The following GPR149 variants were observed in gnomAD, a reference collection of about 807,000 sequenced individuals.
The protein encoded by GPR149 is G protein-coupled receptor 149, also known as probable G protein-coupled receptor 149.
A neutral mutation model predicts 50.2 loss-of-function variants in GPR149; 50 were observed. The observed-to-expected ratio is 1.00, with a 90% CI of 0.79 to 1.26. The LOEUF (loss-of-function observed/expected upper bound fraction) is 1.26. Among genes scored for constraint, GPR149 ranks in the 50% most tolerant of loss-of-function variants. The probability of loss-of-function intolerance (pLI) is 0.00; values close to 1 mark genes in which losing one functional copy is unlikely to be tolerated. For synonymous variants in GPR149, 405 were observed against 358.2 expected (o/e 1.13, Z -1.48); for missense variants, 983 against 895.4 (o/e 1.10, Z -1.25).
intron 3 of GPR149, among the ~76,000 whole-genome samples, chr3:154,387,244 T>G (rs529062823): frequency 2.0e-5 from 3 of 152,324 alleles, no homozygotes; most frequent in East Asian, 3.9e-4. Flanking sequence ...ATGACTTCAC[T>G]TCTCTTTTTG....
rs1002915146 is a variant in GPR149 at position 154,353,521 on chromosome 3, C to T, written c.1624-15250G>A. 7.6e-6 allele frequency: 7 copies of T among 915,934 alleles called. No individual in the cohort carries two copies. The African/African-American group carries it at 8.2e-5, about 11-fold the overall frequency. 56.7% of individuals were successfully genotyped at this position (915,934 alleles called of 1,614,324 possible). A position where few individuals can be genotyped will look rare whatever the true frequency, so the allele number is the denominator to read the frequency against. Reference sequence around the variant, plus strand: ...TCCAATCAGCCACTCTGCAGATGATCTTTGATATGACCAGGGGTTCCAACC... The same window carrying T: ...TCCAATCAGCCACTCTGCAGATGATTTTTGATATGACCAGGGGTTCCAACC... On this transcript the variant is annotated intron_variant, in intron 3 of 3. Coordinates refer to ENST00000389740, the MANE Select transcript of GPR149 (RefSeq NM_001038705.3).
chr3:154,387,189 C>T (rs1263999828), intron 3 of GPR149, among the ~76,000 whole-genome samples: 1 of 152,190 alleles, frequency 6.6e-6, no homozygotes, highest in East Asian at 1.9e-4. Flanking sequence ...ACCTTTTCTG[C>T]AGGGTGAACT....
At chr3:154,404,840 T>G (rs1711638702) in intron 3 of GPR149, among the ~76,000 whole-genome samples, 1 of 146,642 alleles carries the variant, frequency 6.8e-6, no homozygotes, top group African/African-American at 2.5e-5. Context: ...ATAGCAAGTA[T>G]TCAATAAATA....
In GPR149 at chr3:154,337,922, T is replaced by G. The variant is rs1257259293; in HGVS notation, c.1973A>C (p.Glu658Ala). 3 of 1,612,964 alleles carry G rather than the reference T, an allele frequency of 1.9e-6. No homozygotes were observed. In the Admixed American group the frequency reaches 5.0e-5, roughly 27 times the overall value. The change falls in exon 4 of 4, where the codon GAA becomes GCA. Residue 658 changes from glutamate to alanine, a missense_variant. Transcript: ENST00000389740. ...RSPSLRYSRK[E>A]NRFVSCDLGE... ...TAGGTCACATGAAACAAATCTGTTTTCTTTCCTGGAGTAACGTAGGGATGG... is the reference window on the plus strand; with the variant it reads ...TAGGTCACATGAAACAAATCTGTTTGCTTTCCTGGAGTAACGTAGGGATGG...
chr3:154,423,680 A>C (rs946990713), intron 2 of GPR149, among the ~76,000 whole-genome samples: 1 of 151,864 alleles, frequency 6.6e-6, no homozygotes, highest in African/African-American at 2.4e-5. Context: ...AATTAAAACA[A>C]CATAGTTAAT....
chr3:154,354,714 C>G (rs556643624), intron 3 of GPR149: 1 of 593,856 alleles, frequency 1.7e-6, no homozygotes, highest in African/African-American at 2.0e-5. Flanking sequence ...CAATAAATAC[C>G]TTTTGCCTGT....
chr3:154,354,473 T>A (rs149411876), intron 3 of GPR149, among the ~76,000 whole-genome samples: 3 of 152,318 alleles, frequency 2.0e-5, no homozygotes, highest in Non-Finnish European at 2.9e-5. Context: ...AGCTGATTTC[T>A]TTTTTGCAGG....
chr3:154,355,891 T>G (rs1714208260), intron 3 of GPR149, among the ~76,000 whole-genome samples: 1 of 152,234 alleles, frequency 6.6e-6, no homozygotes, highest in African/African-American at 2.4e-5. Context: ...GTAAGGTTGC[T>G]ATACTCCAGA....
intron 3 of GPR149, among the ~76,000 whole-genome samples, chr3:154,405,543 G>C (rs1407492058): frequency 7.6e-6 from 1 of 131,776 alleles, no homozygotes; most frequent in Non-Finnish European, 1.5e-5. Context: ...AGCTGAGACT[G>C]CACCATTGCA....
intron 3 of GPR149, among the ~76,000 whole-genome samples, chr3:154,356,500 A>C (rs1714228329): frequency 6.6e-6 from 1 of 152,196 alleles, no homozygotes; most frequent in Non-Finnish European, 1.5e-5. Flanking sequence ...ATACAAAATC[A>C]ATGTGCAAAA....
At chr3:154,346,314 G>A (rs1490171505) in intron 3 of GPR149, among the ~76,000 whole-genome samples, 2 of 152,104 alleles carry the variant, frequency 1.3e-5, no homozygotes, top group Non-Finnish European at 2.9e-5. Flanking sequence ...TTTACTTTTT[G>A]GAATTTATTT....
rs1454863227 is a variant in GPR149, at chr3:154,429,062, T to A, written c.554A>T (p.Asp185Val). 1 of 1,613,850 alleles carries A rather than the reference T, an allele frequency of 6.2e-7. No homozygotes were observed. Among genetic ancestry groups the A allele is most frequent in the Non-Finnish European group, 8.5e-7 (1 of 1,179,992 alleles). ...GAATAGTACGTAGGAGCTGGAGCAGTCCACCAGGCAGCCCCAGGGCGTGCG... is the reference window on the plus strand; with the variant it reads ...GAATAGTACGTAGGAGCTGGAGCAGACCACCAGGCAGCCCCAGGGCGTGCG... The part of the protein sequence containing the change: ...FVRTPWGCLV[D>V]CSSSYVLFLS... The change falls in exon 1 of 4, where the codon GAC becomes GTC. Residue 185 changes from aspartate (D) to valine (V), a missense_variant. Physicochemically the swap from Asp to Val is radical, Grantham distance 152. Transcript: ENST00000389740.
intron 3 of GPR149, among the ~76,000 whole-genome samples, chr3:154,392,141 G>T (rs1376231319): frequency 6.6e-6 from 1 of 151,518 alleles, no homozygotes; most frequent in African/African-American, 2.4e-5. Flanking sequence ...CTGAACAACA[G>T]TATAGAACAA....
At chr3:154,361,010 T>C (rs959116353) in intron 3 of GPR149, among the ~76,000 whole-genome samples, 3 of 152,222 alleles carry the variant, frequency 2.0e-5, no homozygotes, top group Admixed American at 6.5e-5. Context: ...AAGTATTCTT[T>C]CTTCCCACTA....
chr3:154,379,921 G>C (rs192109476), intron 3 of GPR149, among the ~76,000 whole-genome samples: 1 of 152,070 alleles, frequency 6.6e-6, no homozygotes, highest in East Asian at 1.9e-4. Flanking sequence ...GGATAAATTT[G>C]GGGATATATA....
At position 154,419,649 on chromosome 3, in the gene GPR149, G is replaced by A. The variant is rs181232883; in HGVS notation, c.1623+1390C>T. The stretch of plus-strand genomic sequence containing the variant: ...GCTGTAATCTGTAAGGGGTAATCAC[G>A]AGGATGATATAGGTGACTAGCACAG... On this transcript the variant is annotated intron_variant, in intron 3 of 3. Transcript: ENST00000389740. 1.3e-4 allele frequency among the ~76,000 whole-genome samples: 20 copies of A among 152,116 alleles called. No individual in the cohort carries two copies. The East Asian group carries it at 3.5e-3, about 26-fold the overall frequency.
At chr3:154,427,201 G>A (rs1373109900) in intron 2 of GPR149, among the ~76,000 whole-genome samples, 1 of 151,990 alleles carries the variant, frequency 6.6e-6, no homozygotes, top group Non-Finnish European at 1.5e-5. Flanking sequence ...AAGAACTATG[G>A]TGAATGTATC....
chr3:154,375,840 G>A (rs1183886335), intron 3 of GPR149, among the ~76,000 whole-genome samples: 2 of 152,114 alleles, frequency 1.3e-5, no homozygotes, highest in East Asian at 1.9e-4. Flanking sequence ...TCCACTGAGG[G>A]CCTAAATAGA....
chr3:154,420,020 A>G (rs1038707032), intron 3 of GPR149, among the ~76,000 whole-genome samples: 5 of 152,048 alleles, frequency 3.3e-5, no homozygotes, highest in African/African-American at 1.2e-4. Context: ...TTTTAAAACA[A>G]TGGTATCAGG....
Sources: allele counts gnomAD v4.1 joint callset (sites outside exome capture counted in the v4.1 genomes callset), GRCh38; gene constraint gnomAD v4.1.1; transcripts MANE v1.5; gene names NCBI Gene and HGNC (gene_info 2026-07-23, HGNC 2026-07-21).